Variants in POTEG observed in about 807,000 individuals in gnomAD.
POTEG encodes ANKRD26-like family C member 2.
Under a neutral mutation model 49.6 loss-of-function variants are expected in POTEG, and 2 were observed. The observed-to-expected ratio is 0.04, with a 90% CI of 0.02 to 0.13. The LOEUF is 0.13. POTEG is among the 10% of genes least tolerant of loss of function. The pLI is 1.00. For synonymous variants in POTEG, 7 were observed against 186.6 expected (o/e 0.04, Z 7.84); for missense variants, 26 against 545.2 (o/e 0.05, Z 9.48).
intron 3 of POTEG, among the ~76,000 whole-genome samples, chr14:19,426,433 TA>T (rs1159209256): frequency 1.3e-5 from 2 of 151,770 alleles, no homozygotes; most frequent in African/African-American, 4.8e-5. Context: ...CTTCAATTGA[TA>T]AAAAACAGTT....
intron 3 of POTEG, 118 bp from the exon 4 acceptor site, chr14:19,425,830 G>T (rs1555309821): frequency 6.8e-6 from 1 of 148,048 alleles, no homozygotes; most frequent in Non-Finnish European, 1.2e-5. Flanking sequence ...TAAATAAAAT[G>T]TAGTCGCTTC....
intron 7 of POTEG, among the ~76,000 whole-genome samples, chr14:19,415,816 A>G (rs1198480913): frequency 2.6e-5 from 4 of 151,308 alleles, no homozygotes; most frequent in Non-Finnish European, 5.9e-5. Context: ...ATAAATTTTA[A>G]GAATCTATTA....
At chr14:19,407,134 CATAT>C (rs1199087819) in intron 9 of POTEG, among the ~76,000 whole-genome samples, 3 of 149,286 alleles carry the variant, frequency 2.0e-5, no homozygotes, top group African/African-American at 7.4e-5. Context: ...CACCCGCACA[CATAT>C]GTTTACTGCA....
Position 19,415,162 on chromosome 14 carries a change from T to C in POTEG, c.1198-556A>G, listed in dbSNP as rs201746670. 2.4e-3 allele frequency among the ~76,000 whole-genome samples: 329 copies of C among 137,542 alleles called. 3 individuals are homozygous for C. Among genetic ancestry groups the C allele is most frequent in the Middle Eastern group, 0.012 (3 of 260 alleles). The allele number at this position is 137,542 out of a possible 152,430, so 90.2% of individuals were successfully genotyped here. Reference sequence around the variant, plus strand: ...TTAAATTTTAATTGAAATTATATACTGTAATATGATAGTGTTATGTATCTA... The same window carrying C: ...TTAAATTTTAATTGAAATTATATACCGTAATATGATAGTGTTATGTATCTA... On this transcript the variant is annotated intron_variant, in intron 7 of 10. Coordinates refer to ENST00000547848, the MANE Select transcript of POTEG (RefSeq NM_001005356.3).
At chr14:19,432,433 TATATATATATATAC>T (rs1217406024) in intron 1 of POTEG, among the ~76,000 whole-genome samples, 2 of 17,558 alleles carry the variant, frequency 1.1e-4, no homozygotes, top group South Asian at 2.7e-3. Flanking sequence ...TGTATATACG[TATATATATATATAC>T]ATATATATAT....
chr14:19,415,294 T>C (rs1271963771), intron 7 of POTEG, among the ~76,000 whole-genome samples: 4 of 142,450 alleles, frequency 2.8e-5, no homozygotes, highest in East Asian at 4.1e-4. Context: ...AATTAGAATG[T>C]TATTGTGTTT....
intron 7 of POTEG, among the ~76,000 whole-genome samples, chr14:19,415,704 G>A (rs1292089252): frequency 6.6e-6 from 1 of 151,898 alleles, no homozygotes; most frequent in Non-Finnish European, 1.5e-5. Flanking sequence ...TTTAAAATAA[G>A]AGTATTTTAA....
At chr14:19,426,990 TAAAA>T in intron 3 of POTEG, 4 of 274,542 alleles carry the variant, frequency 1.5e-5, no homozygotes, top group African/African-American at 3.2e-5. Flanking sequence ...AGACTCAATC[TAAAA>T]AAAAAAAAAA....
intron 8 of POTEG, among the ~76,000 whole-genome samples, chr14:19,413,761 CAG>C (rs1883442074): frequency 1.2e-5 from 1 of 85,458 alleles, no homozygotes; most frequent in Non-Finnish European, 2.2e-5. Flanking sequence ...ATGAGTAAAA[CAG>C]AATTTTCCAA....
chr14:19,414,988 C>T (rs1342853475), intron 7 of POTEG, among the ~76,000 whole-genome samples: 1 of 142,836 alleles, frequency 7.0e-6, no homozygotes, highest in African/African-American at 2.5e-5. Flanking sequence ...ACCTTCCTCA[C>T]TTGAAAAGAG....
chr14:19,427,400 T>C (rs1265913948), intron 3 of POTEG, among the ~76,000 whole-genome samples: 1 of 152,280 alleles, frequency 6.6e-6, no homozygotes, highest in East Asian at 2.0e-4. Context: ...CCTAGACTTG[T>C]TGATTATTTA....
chr14:19,432,515 T>G (rs1884204766), intron 1 of POTEG, among the ~76,000 whole-genome samples: 1 of 110,386 alleles, frequency 9.1e-6, no homozygotes, highest in Non-Finnish European at 1.8e-5. Flanking sequence ...TAGGCACTTG[T>G]GTTTTCTTCT....
intron 1 of POTEG, among the ~76,000 whole-genome samples, chr14:19,430,776 A>G (rs1276598255): frequency 5.8e-5 from 6 of 104,176 alleles, no homozygotes; most frequent in African/African-American, 1.8e-4. Context: ...TGCAATAGTA[A>G]TATCATTTAT....
intron 7 of POTEG, among the ~76,000 whole-genome samples, chr14:19,415,695 TTAAAA>T (rs1215330703): frequency 3.3e-5 from 5 of 151,890 alleles, no homozygotes; most frequent in Non-Finnish European, 5.9e-5. Context: ...TAAGAATATT[TTAAAA>T]TAAGAGTATT....
At chr14:19,420,954 T>TA (rs1185544159) in intron 6 of POTEG, 3 of 137,444 alleles carry the variant, frequency 2.2e-5, no homozygotes, top group Non-Finnish European at 4.7e-5. Context: ...AAGTCAGTAA[T>TA]AGTGAGACCT....
intron 1 of POTEG, among the ~76,000 whole-genome samples, chr14:19,432,954 T>G (rs1884220997): frequency 2.7e-5 from 1 of 36,392 alleles, no homozygotes; most frequent in Non-Finnish European, 5.7e-5. Context: ...AGATGGAGTC[T>G]TGCTCTGTCT....
intron 7 of POTEG, among the ~76,000 whole-genome samples, chr14:19,415,398 AAC>A (rs1883514441): frequency 6.9e-6 from 1 of 145,320 alleles, no homozygotes; most frequent in Non-Finnish European, 1.6e-5. Context: ...CCTGAACAGA[AAC>A]ACTGAGGTCA....
At chr14:19,415,829 A>ATTTTTTTT (rs58833974) in intron 7 of POTEG, among the ~76,000 whole-genome samples, 32 of 96,694 alleles carry the variant, frequency 3.3e-4, no homozygotes, top group African/African-American at 1.3e-3. Context: ...ATCTATTAAA[A>ATTTTTTTT]TTTTTTTTTT....
At chr14:19,432,600 T>G (rs1332152592) in intron 1 of POTEG, among the ~76,000 whole-genome samples, 3 of 71,914 alleles carry the variant, frequency 4.2e-5, no homozygotes, top group Non-Finnish European at 7.9e-5. Flanking sequence ...ATCTAGCTAG[T>G]TTTCTCCAAA....
Sources: allele counts gnomAD v4.1 joint callset (sites outside exome capture counted in the v4.1 genomes callset), GRCh38; gene constraint gnomAD v4.1.1; transcripts MANE v1.5; gene names NCBI Gene and HGNC (gene_info 2026-07-23, HGNC 2026-07-21).